The following HOOK2 variants were observed in gnomAD, a reference collection of about 807,000 sequenced individuals.
HOOK2 encodes the protein hook microtubule tethering protein 2, also known as protein Hook homolog 2.
A neutral mutation model predicts 111.9 loss-of-function variants in HOOK2; 108 were observed. The observed-to-expected ratio is 0.96, with a 90% CI of 0.83 to 1.13. HOOK2 has a LOEUF of 1.13. Ranked by LOEUF, HOOK2 falls within the 50% of genes most tolerant of loss-of-function variation. The probability of loss-of-function intolerance (pLI) is 0.00; values close to 1 mark genes in which losing one functional copy is unlikely to be tolerated. For missense variants in HOOK2, 978 were observed against 951.3 expected (o/e 1.03, Z -0.37); for synonymous variants, 405 against 394.3 (o/e 1.03, Z -0.32).
At chr19:12,770,671 G>A (rs942857325) in intron 10 of HOOK2, among the ~76,000 whole-genome samples, 4 of 137,328 alleles carry the variant, frequency 2.9e-5, no homozygotes, top group Non-Finnish European at 6.3e-5. Context: ...GGGCCACAGG[G>A]ATGCTATGGG....
Position 12,763,613 on chromosome 19 carries a change from A to G in HOOK2, c.1939-14T>C. 1.9e-6 allele frequency: 3 copies of G among 1,614,228 alleles called. No homozygotes were observed. Among genetic ancestry groups the G allele is most frequent in the Non-Finnish European group, 2.5e-6 (3 of 1,180,028 alleles). ...CTCAAAGTCCATCTGTCAAGGAGGC[A>G]AGTGTCAGGGGCCTAGATACGTTGG... On this transcript the variant is annotated splice_polypyrimidine_tract_variant and intron_variant, in intron 21 of 22. Coordinates refer to ENST00000397668, the MANE Select transcript of HOOK2 (RefSeq NM_013312.3).
At chr19:12,773,271 ACAGG>A in intron 3 of HOOK2, 1 of 503,568 alleles carries the variant, frequency 2.0e-6, no homozygotes, top group East Asian at 3.4e-5. Flanking sequence ...GCTTTTTAAG[ACAGG>A]GTCTGGCTCT....
At position 12,771,331 on chromosome 19, in the gene HOOK2, G is replaced by A. The variant is rs779164298; in HGVS notation, c.601-12C>T. The stretch of plus-strand genomic sequence containing the variant: ...GACAGGAGCATCAGCTGCGGGCAGG[G>A]CAGAAAGATGAGCTTGGGCTTGGAG... On this transcript the variant is annotated splice_polypyrimidine_tract_variant and intron_variant, in intron 8 of 22. Transcript: ENST00000397668. 3 of 1,604,948 alleles carry A rather than the reference G, an allele frequency of 1.9e-6. No individual in the cohort carries two copies. In the African/African-American group the frequency reaches 4.0e-5, roughly 21 times the overall value.
At chr19:12,770,141 T>A in intron 10 of HOOK2, 59 bp from the exon 11 acceptor site, 1 of 1,382,744 alleles carries the variant, frequency 7.2e-7, no homozygotes, top group Non-Finnish European at 9.5e-7. Flanking sequence ...TCAGCTGGGA[T>A]GTGGAGTGGC....
At chr19:12,769,852 C>A in intron 11 of HOOK2, 29 bp downstream of exon 11, 1 of 1,387,396 alleles carries the variant, frequency 7.2e-7, no homozygotes, top group Non-Finnish European at 9.3e-7. Flanking sequence ...AGGGGCGGGG[C>A]CCCGGCCCTA....
chr19:12,771,151 G>T lies in HOOK2; in HGVS notation c.761+8C>A. On this transcript the variant is annotated splice_region_variant and intron_variant, in intron 9 of 22. Coordinates refer to ENST00000397668, the MANE Select transcript of HOOK2 (RefSeq NM_013312.3). ...GGCTTGCCTGGCCCAGTCCCCAGCT[G>T]ACCACACCTGAAGTTCTCCTCCTGC... is the stretch of plus-strand genomic sequence containing the variant. 2 of 1,613,376 alleles carry T rather than the reference G, an allele frequency of 1.2e-6. No individual in the cohort carries two copies. The highest frequency in any genetic ancestry group is 1.7e-6 in the Non-Finnish European group (2 of 1,179,652).
At chr19:12,778,869 G>A (rs1447522622), upstream of HOOK2, among the ~76,000 whole-genome samples, 5 of 152,176 alleles carry the variant, frequency 3.3e-5, no homozygotes, top group Non-Finnish European at 7.4e-5. Flanking sequence ...GCGGCAGGGA[G>A]TCCCACATTT....
At position 12,764,798 on chromosome 19, in the gene HOOK2, C is replaced by A; in HGVS notation, c.1827+16G>T. 6.2e-7 allele frequency: 1 copy of A among 1,604,442 alleles called. No individual in the cohort carries two copies. The highest frequency in any genetic ancestry group is 1.1e-5 in the South Asian group (1 of 90,778). On this transcript the variant is annotated intron_variant, in intron 20 of 22. Transcript: ENST00000397668. ...AGCCAGGGCAGGCAACTTGTGGGAACACCCAGCGTCCTCACCATGCGGGCC... is the reference window on the plus strand; with the variant it reads ...AGCCAGGGCAGGCAACTTGTGGGAAAACCCAGCGTCCTCACCATGCGGGCC...
intron 20 of HOOK2, 49 bp from the exon 21 acceptor site, chr19:12,763,827 C>CAGTA: frequency 8.3e-7 from 1 of 1,207,430 alleles, no homozygotes. Flanking sequence ...TTGAAACCCC[C>CAGTA]TGGGACATAC....
At chr19:12,764,528 C>T (rs1968092995) in intron 20 of HOOK2, 2 of 370,394 alleles carry the variant, frequency 5.4e-6, no homozygotes, top group East Asian at 5.2e-5. Context: ...TGGGGTTTCA[C>T]CATGTTGGCC....
At chr19:12,772,522 A>G in intron 6 of HOOK2, 91 bp downstream of exon 6, 4 of 1,398,588 alleles carry the variant, frequency 2.9e-6, no homozygotes, top group Non-Finnish European at 4.0e-6. Flanking sequence ...TCCAGACCTT[A>G]CCAGGGCAGG....
chr19:12,764,928 A>T lies in HOOK2; in HGVS notation c.1724-11T>A. 6.2e-7 allele frequency: 1 copy of T among 1,613,824 alleles called. No individual in the cohort carries two copies. ...CGATCCGCCGGGCTGCTGGCGGAAG[A>T]GGTGGCCCATCAGCTCCACGCTGCT... On this transcript the variant is annotated splice_polypyrimidine_tract_variant and intron_variant, in intron 19 of 22. Transcript: ENST00000397668.
chr19:12,792,251 C>T, intron 3 of HOOK2: 1 of 1,505,376 alleles, frequency 6.6e-7, no homozygotes, highest in Non-Finnish European at 8.9e-7. Context: ...TGTCCCTGGG[C>T]GCTACCGGGG....
chr19:12,771,076 G>T lies in HOOK2; in HGVS notation c.762-4C>A, dbSNP rs1178330774. 1.2e-6 allele frequency: 2 copies of T among 1,612,250 alleles called. No individual in the cohort carries two copies. The highest frequency in any genetic ancestry group is 1.3e-5 in the African/African-American group (1 of 74,896). On this transcript the variant is annotated splice_polypyrimidine_tract_variant and splice_region_variant and intron_variant, in intron 9 of 22. Coordinates refer to ENST00000397668, the MANE Select transcript of HOOK2 (RefSeq NM_013312.3). ...ATCCTCCCTGCCACTCTCCAGCCTGGGGGTGTTGGGGGAAGAGCACATGAG... is the reference window on the plus strand; with the variant it reads ...ATCCTCCCTGCCACTCTCCAGCCTGTGGGTGTTGGGGGAAGAGCACATGAG...
chr19:12,770,837 G>A lies in HOOK2; in HGVS notation c.902+95C>T. ...CATATTGGGGGTTCACTGGGCACATGAAAATTACAGAGCTGCTATGGCATC... is the reference window on the plus strand; with the variant it reads ...CATATTGGGGGTTCACTGGGCACATAAAAATTACAGAGCTGCTATGGCATC... On this transcript the variant is annotated intron_variant, in intron 10 of 22. Coordinates refer to ENST00000397668, the MANE Select transcript of HOOK2 (RefSeq NM_013312.3). 2.0e-6 allele frequency: 3 copies of A among 1,467,648 alleles called. No homozygotes were observed. In the South Asian group the frequency reaches 4.0e-5, roughly 19 times the overall value. The allele number at this position is 1,467,648 out of a possible 1,614,324, so 90.9% of individuals were successfully genotyped here.
Position 12,791,810 on chromosome 19 carries a change from C to A in HOOK2, n.42-17585G>T, listed in dbSNP as rs1968719866. 6.2e-7 allele frequency: 1 copy of A among 1,613,562 alleles called. No homozygotes were observed. Among genetic ancestry groups the A allele is most frequent in the Admixed American group, 1.7e-5 (1 of 59,946 alleles). On this transcript the variant is annotated intron_variant and non_coding_transcript_variant, in intron 3 of 3. Transcript: ENST00000589765. The surrounding 1 kb of genome is among the most constrained non-coding windows in gnomAD (Gnocchi z 7.0). ...TGGAACAGCCCTTCTACCACGACGACTCATACACAGCTACGGGATACGGCC... is the reference window on the plus strand; with the variant it reads ...TGGAACAGCCCTTCTACCACGACGAATCATACACAGCTACGGGATACGGCC...
At chr19:12,785,454 TACAG>T (rs1037644463) in intron 3 of HOOK2, among the ~76,000 whole-genome samples, 1 of 150,956 alleles carries the variant, frequency 6.6e-6, no homozygotes, top group Non-Finnish European at 1.5e-5. Context: ...TATACACACA[TACAG>T]ACCAGCCACA....
chr19:12,772,193 G>C lies in HOOK2; in HGVS notation c.516C>G (p.Ser172Arg). 6.2e-7 allele frequency: 1 copy of C among 1,610,260 alleles called. No homozygotes were observed. The highest frequency in any genetic ancestry group is 8.5e-7 in the Non-Finnish European group (1 of 1,176,502). ...ACCTTTCCCCCAAATCTCTTACCTG[G>C]CTGTCAAAGTTGCCATACGTCTCTG... ...LSPETYGNFD[S>R]QSRRYYFLSE... Residue 172 changes from serine (S) to arginine (R), a missense_variant, in exon 7 of 23, where the codon AGC becomes AGG. By Grantham distance (110) the Ser-to-Arg change is moderately radical (BLOSUM62 -1). Coordinates refer to ENST00000397668, the MANE Select transcript of HOOK2 (RefSeq NM_013312.3).
At position 12,766,007 on chromosome 19, in the gene HOOK2, G is replaced by T; in HGVS notation, c.1519C>A (p.Gln507Lys). The T allele has an allele frequency of 1.2e-6, 2 of 1,613,612 alleles. No homozygotes were observed. Among genetic ancestry groups the T allele is most frequent in the Non-Finnish European group, 1.7e-6 (2 of 1,179,994 alleles). ...HGLETQHRLNQQQLSELRAQV... is the reference protein window; with the variant it reads ...HGLETQHRLNKQQLSELRAQV... ...GCCCGCAGCTCGGATAGCTGCTGCT[G>T]GTTCAGCCTGCGAGGGTGGGGGGCC... Residue 507 changes from glutamine (Q) to lysine (K), a missense_variant, in exon 16 of 23, where the codon CAG (glutamine) becomes AAG (lysine). Transcript: ENST00000397668.
Sources: gnomAD v4.1 joint callset for allele counts (sites outside exome capture counted in the v4.1 genomes callset) on GRCh38, gnomAD v4.1.1 for gene constraint, Gnocchi (gnomAD v3.1) non-coding constraint, MANE v1.5 for transcripts, NCBI Gene and HGNC (gene_info 2026-07-23, HGNC 2026-07-21) for gene names.